Variants in TRIM5 observed in about 807,000 individuals in gnomAD.
TRIM5 encodes tripartite motif containing 5.
Under a neutral mutation model 35.6 loss-of-function variants are expected in TRIM5, and 31 were observed. That is an observed-to-expected ratio of 0.87 (90% CI 0.65 to 1.18). The LOEUF (loss-of-function observed/expected upper bound fraction) is 1.18, where lower values mean the gene tolerates loss of function less well. TRIM5 is among the 50% of genes most tolerant of loss of function. TRIM5 has a pLI of 0.00. For synonymous variants in TRIM5, 243 were observed against 215.6 expected (o/e 1.13, Z -1.11); for missense variants, 609 against 591.6 (o/e 1.03, Z -0.31).
At chr11:5,650,942 C>T in the TRIM5 span, among the ~76,000 whole-genome samples, 1 of 152,200 alleles carries the variant, frequency 6.6e-6, no homozygotes, top group Non-Finnish European at 1.5e-5. Context: ...ATTGTATTGG[C>T]TTGATCATAT....
At chr11:5,632,593 C>T in the TRIM5 span, 1 of 1,613,346 alleles carries the variant, frequency 6.2e-7, no homozygotes, top group Non-Finnish European at 8.5e-7. Flanking sequence ...CAAGTTGAGC[C>T]CAGACAATGG....
the TRIM5 span, chr11:5,605,594 TGA>T: frequency 6.3e-7 from 1 of 1,589,394 alleles, no homozygotes; most frequent in Non-Finnish European, 8.5e-7. Context: ...AGCCCAGATC[TGA>T]GAGTCAAGGA....
the TRIM5 span, among the ~76,000 whole-genome samples, chr11:5,594,788 C>T: frequency 6.6e-6 from 1 of 152,080 alleles, no homozygotes; most frequent in African/African-American, 2.4e-5. Flanking sequence ...GTCAATCATA[C>T]CATTTTGTAT....
At chr11:5,660,827 G>A (rs1418937414), downstream of TRIM5, among the ~76,000 whole-genome samples, 1 of 151,728 alleles carries the variant, frequency 6.6e-6, no homozygotes, top group Non-Finnish European at 1.5e-5. Context: ...CGGATCTTGA[G>A]GTCAGGAGAT....
chr11:5,634,530 C>CACACACACACACACACACATATAT, the TRIM5 span: 4 of 203,916 alleles, frequency 2.0e-5, no homozygotes, highest in African/African-American at 1.0e-4. Flanking sequence ...CACACACACA[C>CACACACACACACACACACATATAT]ATATATATAT....
At chr11:5,667,776 T>C (rs1056109905) in intron 4 of TRIM5, 65 bp from the exon 5 acceptor site, 4 of 1,565,010 alleles carry the variant, frequency 2.6e-6, no homozygotes, top group African/African-American at 2.7e-5. Flanking sequence ...TAAAGCTTCA[T>C]CACATTTCCC....
chr11:5,633,738 G>T, the TRIM5 span: 1 of 1,481,382 alleles, frequency 6.8e-7, no homozygotes, highest in Non-Finnish European at 9.0e-7. Context: ...TTTTTTCCCT[G>T]TTTGTCCTCT....
chr11:5,634,267 A>G, the TRIM5 span, among the ~76,000 whole-genome samples: 1 of 152,154 alleles, frequency 6.6e-6, no homozygotes, highest in South Asian at 2.1e-4. Context: ...ATATCCAGGA[A>G]AGCTATCTAG....
chr11:5,634,918 G>A, the TRIM5 span: 8 of 1,563,500 alleles, frequency 5.1e-6, no homozygotes, highest in South Asian at 9.3e-5. Context: ...CTGTGTCCTT[G>A]CGTTCTCATC....
At chr11:5,641,097 T>C in the TRIM5 span, 4 of 1,532,632 alleles carry the variant, frequency 2.6e-6, no homozygotes, top group Admixed American at 4.3e-5. Context: ...TTCCTACTGT[T>C]CTTCTTTCTT....
At chr11:5,671,711 T>C (rs1007321221) in intron 4 of TRIM5, among the ~76,000 whole-genome samples, 39 of 152,190 alleles carry the variant, frequency 2.6e-4, no homozygotes, top group African/African-American at 8.7e-4. Context: ...AATGTACATG[T>C]AATAGGTCTT....
the TRIM5 span, chr11:5,611,134 C>T: frequency 1.2e-6 from 2 of 1,614,006 alleles, no homozygotes; most frequent in African/African-American, 1.3e-5. Context: ...GATTCTTCCC[C>T]TTCCCTGCTT....
chr11:5,634,893 G>C, the TRIM5 span: 1 of 1,601,338 alleles, frequency 6.2e-7, no homozygotes, highest in Non-Finnish European at 8.5e-7. Context: ...GAGATTCTGG[G>C]AACACAGTTC....
chr11:5,596,870 T>G, the TRIM5 span: 1 of 1,614,000 alleles, frequency 6.2e-7, no homozygotes, highest in South Asian at 1.1e-5. Flanking sequence ...TGCTTACATC[T>G]GGAACTTCTT....
At chr11:5,654,788 T>C in the TRIM5 span, among the ~76,000 whole-genome samples, 7 of 152,152 alleles carry the variant, frequency 4.6e-5, no homozygotes, top group Middle Eastern at 3.4e-3. Context: ...ATGTGAAAAA[T>C]TGTAGGTTAA....
At chr11:5,653,562 A>G in the TRIM5 span, among the ~76,000 whole-genome samples, 1 of 144,556 alleles carries the variant, frequency 6.9e-6, no homozygotes, top group Non-Finnish European at 1.5e-5. Context: ...AGTGATCTCG[A>G]CTCACTGCAA....
intron 4 of TRIM5, among the ~76,000 whole-genome samples, chr11:5,671,523 A>G (rs968437782): frequency 6.6e-6 from 1 of 152,094 alleles, no homozygotes; most frequent in African/African-American, 2.4e-5. Flanking sequence ...AAAATTCTGA[A>G]AATTTTAAGT....
the TRIM5 span, chr11:5,605,210 T>C: frequency 7.9e-7 from 1 of 1,268,374 alleles, no homozygotes; most frequent in East Asian, 2.3e-5. Context: ...TCCTGCAGCA[T>C]TTACCCTCCC....
chr11:5,639,677 T>C, the TRIM5 span, among the ~76,000 whole-genome samples: 1 of 29,234 alleles, frequency 3.4e-5, no homozygotes, highest in African/African-American at 7.6e-5. Context: ...GAGACTCTAT[T>C]TCAAAAAAAA....
Sources: gnomAD v4.1 joint callset for allele counts (sites outside exome capture counted in the v4.1 genomes callset) on GRCh38, gnomAD v4.1.1 for gene constraint, MANE v1.5 for transcripts, NCBI Gene and HGNC (gene_info 2026-07-23, HGNC 2026-07-21) for gene names.